KCNQ5: variants seen among roughly 807,000 people sequenced by gnomAD.
The protein encoded by KCNQ5 is potassium voltage-gated channel subfamily Q member 5, also known as potassium voltage-gated channel subfamily KQT member 5.
KCNQ5 carries 30 observed loss-of-function variants against 98.2 expected under a neutral mutation model. That is an observed-to-expected ratio of 0.31 (90% confidence interval 0.23 to 0.41). The LOEUF is 0.41. KCNQ5 is among the 10% of genes least tolerant of loss of function. The pLI, the probability that KCNQ5 is intolerant of heterozygous loss-of-function variation, is 1.00. For missense variants in KCNQ5, 835 were observed against 1,182.5 expected (o/e 0.71, Z 4.31); for synonymous variants, 458 against 449.4 (o/e 1.02, Z -0.24).
At chr6:72,768,540 A>G (rs916341350) in intron 1 of KCNQ5, among the ~76,000 whole-genome samples, 1 of 152,032 alleles carries the variant, frequency 6.6e-6, no homozygotes, top group Non-Finnish European at 1.5e-5. Context: ...GATGGTACAA[A>G]TGGGAGATAG....
intron 5 of KCNQ5, among the ~76,000 whole-genome samples, chr6:73,101,351 C>A (rs6933440): frequency 0.74 from 111,797 of 152,072 alleles, 45,943 homozygotes; most frequent in South Asian, 0.94. Flanking sequence ...TAGAACACAA[C>A]AAAGATGCTC....
At chr6:73,175,123 G>A (rs1272036747) in intron 11 of KCNQ5, among the ~76,000 whole-genome samples, 1 of 151,794 alleles carries the variant, frequency 6.6e-6, no homozygotes, top group African/African-American at 2.4e-5. Flanking sequence ...CCCACTACCT[G>A]GACTGAGAAA....
intron 10 of KCNQ5, among the ~76,000 whole-genome samples, chr6:73,166,798 T>G (rs1219704488): frequency 9.2e-5 from 14 of 152,178 alleles, no homozygotes. Context: ...CAATCCCTGG[T>G]GTTCCTTAGC....
chr6:73,052,569 A>G (rs912984949), intron 3 of KCNQ5, among the ~76,000 whole-genome samples: 20 of 152,346 alleles, frequency 1.3e-4, no homozygotes, highest in African/African-American at 4.8e-4. Flanking sequence ...GCCAGCAGAG[A>G]TTGAGGACCT....
chr6:72,720,955 G>A (rs1769923992), intron 1 of KCNQ5, among the ~76,000 whole-genome samples: 1 of 152,210 alleles, frequency 6.6e-6, no homozygotes, highest in African/African-American at 2.4e-5. Flanking sequence ...TTAGTCTCCT[G>A]TAGGTGAGCA....
At chr6:72,956,889 T>C (rs1767103934) in intron 1 of KCNQ5, among the ~76,000 whole-genome samples, 1 of 152,104 alleles carries the variant, frequency 6.6e-6, no homozygotes, top group African/African-American at 2.4e-5. Context: ...TTAAGTTATG[T>C]TAGGCAATCT....
chr6:72,732,460 C>G (rs1224747725), intron 1 of KCNQ5, among the ~76,000 whole-genome samples: 1 of 152,016 alleles, frequency 6.6e-6, no homozygotes, highest in Non-Finnish European at 1.5e-5. Context: ...GAGAACTTGC[C>G]CAGCAAGAAC....
chr6:72,841,783 A>G (rs888229444), intron 1 of KCNQ5, among the ~76,000 whole-genome samples: 8 of 152,196 alleles, frequency 5.3e-5, no homozygotes, highest in African/African-American at 1.9e-4. Context: ...TTTTCTTAAA[A>G]GATATGGAGC....
At chr6:72,914,463 C>A (rs1387793464) in intron 1 of KCNQ5, among the ~76,000 whole-genome samples, 2 of 150,280 alleles carry the variant, frequency 1.3e-5, no homozygotes, top group Admixed American at 6.7e-5. Flanking sequence ...AAAGGGCTAT[C>A]TTTCACAAGC....
rs1765844702 is a variant in KCNQ5, at chr6:73,197,635, ACACACACC to A, written c.*2223_*2230del. The A allele has an allele frequency of 1.1e-5, 1 of 88,588 alleles. No individual in the cohort carries two copies. The highest frequency in any genetic ancestry group is 4.0e-5 in the African/African-American group (1 of 24,966). 5.5% of individuals were successfully genotyped at this position (88,588 alleles called of 1,614,324 possible). A position where few individuals can be genotyped will look rare whatever the true frequency, so the allele number is the denominator to read the frequency against. ...CACACACACACACACACACACACAC[ACACACACC>A]CCTCCACTGACCTAAAGCCAGACAC... On this transcript the variant is annotated 3_prime_UTR_variant, in exon 14 of 14. Transcript: ENST00000370398.
At chr6:73,088,858 T>G (rs1774107187) in intron 5 of KCNQ5, among the ~76,000 whole-genome samples, 1 of 152,212 alleles carries the variant, frequency 6.6e-6, no homozygotes, top group Non-Finnish European at 1.5e-5. Context: ...TCAATAAATT[T>G]ATTTCTATTG....
chr6:72,880,686 C>T (rs1479821086), intron 1 of KCNQ5, among the ~76,000 whole-genome samples: 1 of 152,144 alleles, frequency 6.6e-6, no homozygotes, highest in Non-Finnish European at 1.5e-5. Flanking sequence ...ATTTCATTTT[C>T]TACTTTGCTA....
rs150193215 is a variant in KCNQ5, at chr6:72,710,107, A to G, written c.398+87520A>G. On this transcript the variant is annotated intron_variant, in intron 1 of 13. Coordinates refer to ENST00000370398, the MANE Select transcript of KCNQ5 (RefSeq NM_019842.4). ...GATAGGAAAAGGCCTGGTCTTCTAC[A>G]TGGCAAACAGTGCTTGTTATTACAA... Among the ~76,000 whole-genome samples, 1,227 of 152,310 alleles carry G rather than the reference A, an allele frequency of 8.1e-3. 16 individuals are homozygous for G. Among genetic ancestry groups the G allele is most frequent in the African/African-American group, 0.026 (1,084 of 41,572 alleles).
At chr6:72,698,078 G>A (rs1293761997) in intron 1 of KCNQ5, among the ~76,000 whole-genome samples, 3 of 152,074 alleles carry the variant, frequency 2.0e-5, no homozygotes, top group East Asian at 1.9e-4. Flanking sequence ...AATAATAAAA[G>A]TGTGTCCGTT....
intron 1 of KCNQ5, among the ~76,000 whole-genome samples, chr6:72,930,794 T>C (rs956407580): frequency 6.6e-6 from 1 of 152,160 alleles, no homozygotes; most frequent in African/African-American, 2.4e-5. Flanking sequence ...GCTGTGGAAG[T>C]GATTGAAGGC....
chr6:72,848,537 G>C (rs1777109720), intron 1 of KCNQ5, among the ~76,000 whole-genome samples: 1 of 152,188 alleles, frequency 6.6e-6, no homozygotes, highest in Admixed American at 6.5e-5. Context: ...GGAATGAAGA[G>C]AGGGGGACCC....
Position 73,070,122 on chromosome 6 carries a change from T to C in KCNQ5, c.617-7200T>C, listed in dbSNP as rs184146967. 2.6e-5 allele frequency among the ~76,000 whole-genome samples: 4 copies of C among 152,330 alleles called. No homozygotes were observed. In the East Asian group the frequency reaches 7.7e-4, roughly 29 times the overall value. On this transcript the variant is annotated intron_variant, in intron 3 of 13. Transcript: ENST00000370398. ...ATCCGTGAATTTAATATGAGGTCTG[T>C]ATCAGAATTTTGTTGTTTAACTTGA...
At chr6:73,019,075 T>TATG (rs2150337372) in intron 2 of KCNQ5, among the ~76,000 whole-genome samples, 1 of 152,222 alleles carries the variant, frequency 6.6e-6, no homozygotes, top group South Asian at 2.1e-4. Context: ...ACCTGTGATA[T>TATG]ATGACAGGGT....
At position 73,031,456 on chromosome 6, in the gene KCNQ5, G is replaced by T. The variant is rs559708579; in HGVS notation, c.490-10480G>T. ...CCAGCTAGCTCTTTTTGAGAATTTT[G>T]ATTTTAATAGATAATAAAACAGTAT... is the stretch of plus-strand genomic sequence containing the variant. On this transcript the variant is annotated intron_variant, in intron 2 of 13. Transcript: ENST00000370398. Among the ~76,000 whole-genome samples the T allele has an allele frequency of 2.6e-4, 40 of 152,246 alleles. 1 individual carries two copies. The highest frequency in any genetic ancestry group is 8.2e-4 in the African/African-American group (34 of 41,554).
Sources: allele counts gnomAD v4.1 joint callset (sites outside exome capture counted in the v4.1 genomes callset), GRCh38; gene constraint gnomAD v4.1.1; transcripts MANE v1.5; gene names NCBI Gene and HGNC (gene_info 2026-07-23, HGNC 2026-07-21).